The following TEK variants were observed in gnomAD, a reference collection of about 807,000 sequenced individuals.
TEK encodes the protein TEK receptor tyrosine kinase.
Under a neutral mutation model 131.8 loss-of-function variants are expected in TEK, and 43 were observed. That is an observed-to-expected ratio of 0.33 (90% CI 0.26 to 0.42). The LOEUF is 0.42. Ranked by LOEUF, TEK falls within the 10% of genes least tolerant of loss-of-function variation. The pLI is 1.00. For missense variants in TEK, 1,162 were observed against 1,384.4 expected (o/e 0.84, Z 2.55); for synonymous variants, 580 against 491.6 (o/e 1.18, Z -2.38).
chr9:27,226,137 T>G (rs1172519886), intron 21 of TEK, among the ~76,000 whole-genome samples: 3 of 152,098 alleles, frequency 2.0e-5, no homozygotes, highest in Non-Finnish European at 4.4e-5. Context: ...TTGGTGGGAG[T>G]GTAAATTAGC....
In TEK at chr9:27,209,239, G is replaced by C. The variant is rs746733028; in HGVS notation, c.2686+8G>C. 1.2e-5 allele frequency: 19 copies of C among 1,585,440 alleles called. No homozygotes were observed. The highest frequency in any genetic ancestry group is 1.7e-4 in the Middle Eastern group (1 of 6,022). On this transcript the variant is annotated splice_region_variant and intron_variant, in intron 16 of 22. Coordinates refer to ENST00000380036, the MANE Select transcript of TEK (RefSeq NM_000459.5). ...GAGCATGTGAACATCGAGGTAAGAT[G>C]CTCTTTTCCTGTCTTTCCTGCCAGA...
At chr9:27,166,452 T>C (rs1242688631) in intron 2 of TEK, among the ~76,000 whole-genome samples, 2 of 152,248 alleles carry the variant, frequency 1.3e-5, no homozygotes, top group Admixed American at 6.5e-5. Flanking sequence ...TTTTGTTTCA[T>C]GAGCTTTGAA....
At chr9:27,183,646 T>A in intron 8 of TEK, 36 bp downstream of exon 8, 1 of 1,611,544 alleles carries the variant, frequency 6.2e-7, no homozygotes, top group South Asian at 1.1e-5. Context: ...TCTTAAAGCA[T>A]GAGATGCTTC....
chr9:27,220,859 C>T (rs182292560), intron 21 of TEK, among the ~76,000 whole-genome samples: 39 of 152,330 alleles, frequency 2.6e-4, no homozygotes, highest in East Asian at 1.2e-3. Flanking sequence ...GTGGCCATTT[C>T]GGCAGACACC....
At chr9:27,213,744 C>T (rs931081262) in intron 18 of TEK, 147 bp downstream of exon 18, 2 of 686,486 alleles carry the variant, frequency 2.9e-6, no homozygotes, top group South Asian at 3.0e-5. Flanking sequence ...GGGAAACATT[C>T]TTTCTAAATG....
chr9:27,189,626 G>A (rs957613174), intron 9 of TEK, among the ~76,000 whole-genome samples: 2 of 152,154 alleles, frequency 1.3e-5, no homozygotes, highest in Admixed American at 6.6e-5. Context: ...GGTGGTCAGA[G>A]AAGGATCAGA....
rs1466441293 is a variant in TEK, at chr9:27,150,801, T to G, written c.53-7030T>G. Among the ~76,000 whole-genome samples the G allele has an allele frequency of 2.0e-5, 3 of 152,172 alleles. No individual in the cohort carries two copies. In the East Asian group the frequency reaches 5.8e-4, roughly 29 times the overall value. On this transcript the variant is annotated intron_variant, in intron 1 of 22. Transcript: ENST00000380036. ...GTCTGTTCCCTGGAAATAAAAAGTT[T>G]CCTGCCAGCTGACTGATCCTCATTC...
At chr9:27,208,341 A>G (rs555926664) in intron 15 of TEK, among the ~76,000 whole-genome samples, 7 of 149,370 alleles carry the variant, frequency 4.7e-5, no homozygotes, top group East Asian at 2.1e-4. Context: ...TTGCCACCCA[A>G]TGTGTGTTTT....
intron 1 of TEK, among the ~76,000 whole-genome samples, chr9:27,152,630 T>C (rs584934): frequency 0.45 from 66,344 of 147,048 alleles, 15,297 homozygotes; most frequent in South Asian, 0.55. Flanking sequence ...TAAAGTTGAG[T>C]AGCTCACTGG....
chr9:27,113,649 A>G (rs116823461), intron 1 of TEK, among the ~76,000 whole-genome samples: 6 of 152,176 alleles, frequency 3.9e-5, no homozygotes, highest in African/African-American at 9.7e-5. Context: ...AAGTGTTGCT[A>G]TGAGAACCAC....
chr9:27,158,196 C>T (rs141511957), intron 2 of TEK, 54 bp downstream of exon 2: 9 of 1,605,232 alleles, frequency 5.6e-6, no homozygotes, highest in Non-Finnish European at 7.7e-6. Flanking sequence ...ACACACACAC[C>T]TTTTGTCTTG....
intron 1 of TEK, among the ~76,000 whole-genome samples, chr9:27,138,201 G>C (rs1423085588): frequency 6.6e-6 from 1 of 152,334 alleles, no homozygotes; most frequent in Non-Finnish European, 1.5e-5. Flanking sequence ...AAGAGCAAAA[G>C]AACAAAGATT....
chr9:27,182,538 T>C (rs1205205835), intron 7 of TEK, among the ~76,000 whole-genome samples: 1 of 152,128 alleles, frequency 6.6e-6, no homozygotes, highest in Non-Finnish European at 1.5e-5. Context: ...AGGATATCAG[T>C]ATAAAATATC....
intron 1 of TEK, among the ~76,000 whole-genome samples, chr9:27,147,593 G>A (rs1442841018): frequency 6.6e-6 from 1 of 151,918 alleles, no homozygotes. Flanking sequence ...ATAAAATTTA[G>A]CGTAACAATT....
intron 6 of TEK, among the ~76,000 whole-genome samples, chr9:27,179,597 A>G (rs1824288594): frequency 6.6e-6 from 1 of 152,178 alleles, no homozygotes; most frequent in Non-Finnish European, 1.5e-5. Flanking sequence ...TTAGCAGGCA[A>G]TTAACTTGGT....
At chr9:27,153,537 C>T (rs1158977603) in intron 1 of TEK, among the ~76,000 whole-genome samples, 2 of 152,218 alleles carry the variant, frequency 1.3e-5, no homozygotes, top group South Asian at 4.1e-4. Context: ...ATTAAATATG[C>T]ATCTTGTTTC....
At chr9:27,217,642 A>G (rs759508337) in intron 18 of TEK, 46 bp from the exon 19 acceptor site, 2 of 1,582,198 alleles carry the variant, frequency 1.3e-6, no homozygotes, top group Non-Finnish European at 1.7e-6. Flanking sequence ...AGAGCCTCTT[A>G]AAGACCCTGT....
At chr9:27,219,730 A>T (rs1284474132) in intron 20 of TEK, among the ~76,000 whole-genome samples, 2 of 151,692 alleles carry the variant, frequency 1.3e-5, no homozygotes, top group African/African-American at 2.4e-5. Flanking sequence ...CCAATCAGAA[A>T]AAAAGGTTAA....
chr9:27,162,142 A>G (rs1823569613), intron 2 of TEK, among the ~76,000 whole-genome samples: 1 of 152,224 alleles, frequency 6.6e-6, no homozygotes, highest in African/African-American at 2.4e-5. Context: ...ATCCTTTATG[A>G]TGAATCAGGA....
Sources: allele counts gnomAD v4.1 joint callset (sites outside exome capture counted in the v4.1 genomes callset), GRCh38; gene constraint gnomAD v4.1.1; transcripts MANE v1.5; gene names NCBI Gene and HGNC (gene_info 2026-07-23, HGNC 2026-07-21).